The following TRHR variants were observed in gnomAD, a reference collection of about 807,000 sequenced individuals.
The protein encoded by TRHR is thyrotropin releasing hormone receptor.
In TRHR, 14 loss-of-function variants were observed where a neutral mutation model predicts 28.0. The observed-to-expected ratio is 0.50, with a 90% CI of 0.33 to 0.78. TRHR has a LOEUF of 0.78. Among genes scored for constraint, TRHR ranks in the 30% least tolerant of loss-of-function variants. The pLI is 0.02. For synonymous variants in TRHR, 176 were observed against 171.9 expected, an observed-to-expected ratio of 1.02 and a Z score of -0.18; for missense variants, 438 against 469.5, an observed-to-expected ratio of 0.93 and a Z score of 0.62.
rs774852523 is a variant in TRHR, at chr8:109,120,681, T to A, written c.*1226T>A. On this transcript the variant is annotated 3_prime_UTR_variant, in exon 3 of 3. Transcript: ENST00000518632. Reference sequence around the variant, plus strand: ...CTGATTTCATCATATTATCAGTATGTCATCTTTATATTTATGACTGACATC... The same window carrying A: ...CTGATTTCATCATATTATCAGTATGACATCTTTATATTTATGACTGACATC... Among the ~76,000 whole-genome samples the A allele has an allele frequency of 2.0e-4, 30 of 151,796 alleles. No individual in the cohort carries two copies. Among genetic ancestry groups the A allele is most frequent in the Non-Finnish European group, 3.5e-4 (24 of 67,852 alleles).
chr8:109,116,569 G>A (rs1811924880), intron 2 of TRHR, among the ~76,000 whole-genome samples: 1 of 152,028 alleles, frequency 6.6e-6, no homozygotes, highest in Non-Finnish European at 1.5e-5. Flanking sequence ...ATTTCTTCTA[G>A]ATTTTCTAGT....
chr8:109,087,802 G>C lies in TRHR; in HGVS notation c.290G>C (p.Gly97Ala), dbSNP rs372283317. ...GGTTCCTGGGTCTATGGCTATGTTG[G>C]ATGCCTCTGCATTACTTACCTCCAG... ...IYGSWVYGYV[G>A]CLCITYLQYL... is the part of the protein sequence containing the mutation. The change falls in exon 2 of 3, where the codon GGA becomes GCA. Residue 97 changes from glycine (G) to alanine (A), a missense_variant. By Grantham distance (60) the Gly-to-Ala change is moderately conservative. Coordinates refer to ENST00000518632, the MANE Select transcript of TRHR (RefSeq NM_003301.7). 19 of 1,614,016 alleles carry C rather than the reference G, an allele frequency of 1.2e-5. No individual in the cohort carries two copies. Among genetic ancestry groups the C allele is most frequent in the Non-Finnish European group, 1.6e-5 (19 of 1,180,038 alleles).
chr8:109,118,315 A>G (rs893580145), intron 2 of TRHR, among the ~76,000 whole-genome samples: 1 of 151,992 alleles, frequency 6.6e-6, no homozygotes, highest in Admixed American at 6.6e-5. Context: ...AGCAGTCACT[A>G]AACATTCAAT....
At position 109,087,574 on chromosome 8, in the gene TRHR, C is replaced by A. The variant is rs1270184012; in HGVS notation, c.62C>A (p.Ala21Asp). The A allele has an allele frequency of 1.2e-6, 2 of 1,614,174 alleles. No homozygotes were observed. Among genetic ancestry groups the A allele is most frequent in the Admixed American group, 1.7e-5 (1 of 60,016 alleles). ...QTQLQPRAVV[A>D]LEYQVVTILL... ...CAGCTTCAGCCACGAGCAGTGGTGG[C>A]CTTAGAATACCAGGTGGTCACCATC... The change falls in exon 2 of 3, where the codon GCC becomes GAC. Residue 21 changes from alanine to aspartate, a missense_variant. By Grantham distance (126) the Ala-to-Asp change is moderately radical. Coordinates refer to ENST00000518632, the MANE Select transcript of TRHR (RefSeq NM_003301.7).
intron 2 of TRHR, among the ~76,000 whole-genome samples, chr8:109,112,050 T>G (rs1411402974): frequency 6.6e-6 from 1 of 152,172 alleles, no homozygotes; most frequent in East Asian, 1.9e-4. Context: ...CAGACAAAAG[T>G]CATATGACCT....
chr8:109,117,943 T>G (rs542810965), intron 2 of TRHR, among the ~76,000 whole-genome samples: 3 of 152,056 alleles, frequency 2.0e-5, no homozygotes, highest in African/African-American at 7.2e-5. Context: ...CTACATACAT[T>G]GAGTCAGAAT....
intron 2 of TRHR, among the ~76,000 whole-genome samples, chr8:109,117,223 T>C (rs1811934935): frequency 6.6e-6 from 1 of 152,068 alleles, no homozygotes; most frequent in Admixed American, 6.6e-5. Context: ...GAAACATTCA[T>C]GGAAAGGGCA....
At chr8:109,108,260 C>T (rs114614064) in intron 2 of TRHR, among the ~76,000 whole-genome samples, 202 of 152,308 alleles carry the variant, frequency 1.3e-3, no homozygotes, top group African/African-American at 4.6e-3. Flanking sequence ...TCACCATCAC[C>T]TCTCTCCTTC....
intron 2 of TRHR, among the ~76,000 whole-genome samples, chr8:109,108,591 C>T (rs1811785540): frequency 6.6e-6 from 1 of 152,054 alleles, no homozygotes; most frequent in Non-Finnish European, 1.5e-5. Flanking sequence ...AAAATTAAAG[C>T]AAGCTATATT....
At chr8:109,116,183 G>A (rs1446025055) in intron 2 of TRHR, among the ~76,000 whole-genome samples, 3 of 152,154 alleles carry the variant, frequency 2.0e-5, no homozygotes, top group Admixed American at 6.5e-5. Flanking sequence ...GCTTTTTGAT[G>A]TGCTGCTGGA....
At chr8:109,107,990 A>C (rs1457367653) in intron 2 of TRHR, among the ~76,000 whole-genome samples, 1 of 152,128 alleles carries the variant, frequency 6.6e-6, no homozygotes, top group Non-Finnish European at 1.5e-5. Context: ...TGGTTTGCTG[A>C]AGGAAAGAAA....
intron 2 of TRHR, among the ~76,000 whole-genome samples, chr8:109,105,567 G>C (rs1462140181): frequency 6.6e-6 from 1 of 152,010 alleles, no homozygotes; most frequent in Non-Finnish European, 1.5e-5. Context: ...GGAAAACATG[G>C]AATAAAAAAC....
rs541148340 is a variant in TRHR at position 109,118,614 on chromosome 8, C to T, written c.790-434C>T. On this transcript the variant is annotated intron_variant, in intron 2 of 2. Transcript: ENST00000518632. ...ATCCCACTTCAGGCATCCACTGTAC[C>T]ATTTGTCTCTCCTCTTCTTGGCCTC... Among the ~76,000 whole-genome samples the T allele has an allele frequency of 2.0e-5, 3 of 151,930 alleles. No individual in the cohort carries two copies. The East Asian group carries it at 5.8e-4, about 30-fold the overall frequency.
intron 2 of TRHR, among the ~76,000 whole-genome samples, chr8:109,094,550 A>G (rs1482039179): frequency 1.3e-5 from 2 of 152,016 alleles, no homozygotes; most frequent in African/African-American, 4.8e-5. Flanking sequence ...GTGCCATTTT[A>G]TTTTTATTAA....
chr8:109,096,538 T>C (rs1397090206), intron 2 of TRHR, among the ~76,000 whole-genome samples: 1 of 152,152 alleles, frequency 6.6e-6, no homozygotes, highest in Non-Finnish European at 1.5e-5. Context: ...CCCCAAAGTG[T>C]ACACACTCAG....
chr8:109,098,231 G>A (rs1441874522), intron 2 of TRHR, among the ~76,000 whole-genome samples: 1 of 151,872 alleles, frequency 6.6e-6, no homozygotes, highest in East Asian at 1.9e-4. Context: ...CTGGGCTCAA[G>A]CAATCCTCCC....
rs544479129 is a variant in TRHR at position 109,088,333 on chromosome 8, G to C, written c.789+32G>C. 34 of 1,607,866 alleles carry C rather than the reference G, an allele frequency of 2.1e-5. No homozygotes were observed. The African/African-American group carries it at 2.9e-4, about 14-fold the overall frequency. On this transcript the variant is annotated intron_variant, in intron 2 of 2. Transcript: ENST00000518632. ...AAAACTGAAACTCCAAGTCAATAGA[G>C]GAAATGTGGGATAGAGTTCCTTGGA... is the stretch of plus-strand genomic sequence containing the variant.
chr8:109,095,128 C>A (rs1179713565), intron 2 of TRHR, among the ~76,000 whole-genome samples: 1 of 151,996 alleles, frequency 6.6e-6, no homozygotes, highest in East Asian at 1.9e-4. Context: ...ATTAAACATT[C>A]ATTCACATCC....
chr8:109,116,785 T>G (rs538590427), intron 2 of TRHR, among the ~76,000 whole-genome samples: 1 of 152,022 alleles, frequency 6.6e-6, no homozygotes, highest in Non-Finnish European at 1.5e-5. Flanking sequence ...TTATGTCACA[T>G]AGTGCACTAA....
Sources: allele counts gnomAD v4.1 joint callset (sites outside exome capture counted in the v4.1 genomes callset), GRCh38; gene constraint gnomAD v4.1.1; transcripts MANE v1.5; gene names NCBI Gene and HGNC (gene_info 2026-07-23, HGNC 2026-07-21).